Variants in FIG4 observed in about 807,000 individuals in gnomAD.
FIG4 encodes polyphosphoinositide phosphatase.
In FIG4, 112 loss-of-function variants were observed where a neutral mutation model predicts 118.6. The observed-to-expected ratio is 0.94, with a 90% confidence interval of 0.81 to 1.11. The LOEUF is 1.11. Ranked by LOEUF, FIG4 falls within the 50% of genes least tolerant of loss-of-function variation. The probability of loss-of-function intolerance (pLI) is 0.00; values close to 1 mark genes in which losing one functional copy is unlikely to be tolerated. For synonymous variants in FIG4, 369 were observed against 381.2 expected (o/e 0.97, Z 0.37); for missense variants, 969 against 1,111.7 (o/e 0.87, Z 1.83).
chr6:109,744,672 G>A (rs1038810253), intron 10 of FIG4, among the ~76,000 whole-genome samples: 2 of 151,738 alleles, frequency 1.3e-5, no homozygotes, highest in African/African-American at 2.4e-5. Context: ...TTAAGTTCTC[G>A]GATACATGTG....
chr6:109,784,999 TA>T lies in FIG4; in HGVS notation c.1922del (p.Lys641SerfsTer14). 1 of 1,571,070 alleles carries T rather than the reference TA, an allele frequency of 6.4e-7. No individual in the cohort carries two copies. Among genetic ancestry groups the T allele is most frequent in the Non-Finnish European group, 8.8e-7 (1 of 1,140,940 alleles). ...ACTTACTGGTGGACACCAGAGGTGA[TA>T]AAGCATTTACCATTGCCCTATGATG... ...SYTYWWTPEV[I>X]KHLPLPYDEV... On this transcript the variant is annotated frameshift_variant, in exon 17 of 23. Transcript: ENST00000230124. LOFTEE classifies it high-confidence loss of function.
intron 1 of FIG4, among the ~76,000 whole-genome samples, chr6:109,701,219 A>C (rs1774895843): frequency 1.3e-5 from 2 of 152,170 alleles, no homozygotes; most frequent in Non-Finnish European, 2.9e-5. Context: ...CCCTTTCCCA[A>C]ACTAACCTAT....
intron 22 of FIG4, among the ~76,000 whole-genome samples, chr6:109,817,895 A>G (rs1252883060): frequency 2.0e-5 from 3 of 152,256 alleles, no homozygotes; most frequent in Non-Finnish European, 4.4e-5. Context: ...AATCTGCTCT[A>G]GGTAAATTAA....
At chr6:109,817,473 C>G (rs1238859317) in intron 22 of FIG4, among the ~76,000 whole-genome samples, 1 of 151,792 alleles carries the variant, frequency 6.6e-6, no homozygotes, top group Non-Finnish European at 1.5e-5. Context: ...TTACCTATTT[C>G]AGGTCAGAAA....
intron 15 of FIG4, among the ~76,000 whole-genome samples, chr6:109,775,046 A>C (rs1777579733): frequency 6.6e-6 from 1 of 152,216 alleles, no homozygotes; most frequent in Non-Finnish European, 1.5e-5. Context: ...AAAATTGGCT[A>C]ATGTTTAACC....
At chr6:109,720,703 G>A (rs775893127) in intron 3 of FIG4, among the ~76,000 whole-genome samples, 10 of 152,248 alleles carry the variant, frequency 6.6e-5, no homozygotes, top group South Asian at 2.1e-4. Context: ...TAAATCCTTC[G>A]TCTCAATTTG....
chr6:109,751,593 C>T (rs911210279), intron 10 of FIG4, among the ~76,000 whole-genome samples: 15 of 152,080 alleles, frequency 9.9e-5, no homozygotes, highest in African/African-American at 3.6e-4. Context: ...AGTTTCATAA[C>T]TTGTTATTGG....
At chr6:109,796,914 TAAAGAC>T in intron 22 of FIG4, 63 bp downstream of exon 22, 2 of 965,588 alleles carry the variant, frequency 2.1e-6, no homozygotes, top group Non-Finnish European at 1.7e-6. Flanking sequence ...GGGCTTTCTT[TAAAGAC>T]TTTTTAAGAA....
rs776611599 is a variant in FIG4 at position 109,762,250 on chromosome 6, G to T, written c.1388+43G>T. 12 of 1,192,722 alleles carry T rather than the reference G, an allele frequency of 1.0e-5. No homozygotes were observed. In the East Asian group the frequency reaches 2.8e-4, roughly 28 times the overall value. The allele number at this position is 1,192,722 out of a possible 1,614,324, so 73.9% of individuals were successfully genotyped here. A position where few individuals can be genotyped will look rare whatever the true frequency, so the allele number is the denominator to read the frequency against. On this transcript the variant is annotated intron_variant, in intron 12 of 22. Transcript: ENST00000230124. ...AAACTTATAATAAATGATGATTTTT[G>T]CTCTTATGGGTATTCTAAATACAGC...
intron 1 of FIG4, among the ~76,000 whole-genome samples, chr6:109,694,052 T>C (rs116347598): frequency 6.6e-6 from 1 of 152,050 alleles, no homozygotes; most frequent in South Asian, 2.1e-4. Context: ...GCTCAAAATA[T>C]TCTACATATA....
At chr6:109,709,822 C>G (rs1239159874) in intron 1 of FIG4, among the ~76,000 whole-genome samples, 3 of 152,148 alleles carry the variant, frequency 2.0e-5, no homozygotes, top group Non-Finnish European at 4.4e-5. Context: ...TGTTCTTAGA[C>G]TTTACTGAAG....
In FIG4 at chr6:109,732,707, TG is replaced by T. The variant is rs1273985161; in HGVS notation, c.497+21del. The T allele has an allele frequency of 6.7e-7, 1 of 1,484,850 alleles. No individual in the cohort carries two copies. Among genetic ancestry groups the T allele is most frequent in the Admixed American group, 1.7e-5 (1 of 59,726 alleles). 92.0% of individuals were successfully genotyped at this position (1,484,850 alleles called of 1,614,324 possible). A position where few individuals can be genotyped will look rare whatever the true frequency, so the allele number is the denominator to read the frequency against. ...CTTTAGGTAAGTGTGAGGTTAGTTT[TG>T]CTCCTATCAATCACATAAACTTTTA... On this transcript the variant is annotated intron_variant, in intron 5 of 22. Coordinates refer to ENST00000230124, the MANE Select transcript of FIG4 (RefSeq NM_014845.6).
intron 4 of FIG4, among the ~76,000 whole-genome samples, chr6:109,729,410 G>A (rs1775914456): frequency 6.6e-6 from 1 of 152,022 alleles, no homozygotes; most frequent in Non-Finnish European, 1.5e-5. Context: ...TTTAATCAAG[G>A]TAAGGAACAA....
Position 109,825,245 on chromosome 6 carries a change from A to C in FIG4, c.2704A>C (p.Ile902Leu), listed in dbSNP as rs143685038. The C allele has an allele frequency of 7.4e-6, 12 of 1,614,122 alleles. No individual in the cohort carries two copies. The highest frequency in any genetic ancestry group is 1.0e-5 in the Non-Finnish European group (12 of 1,179,984). Residue 902 changes from isoleucine to leucine, a missense_variant, in exon 23 of 23, where the codon ATC (isoleucine) becomes CTC (leucine). Transcript: ENST00000230124. ...KEDSSMYREY[I>L]RNRYL ...GGACTCCTCCATGTACCGAGAGTAC[A>C]TCAGGAACCGCTACCTGTGAAAAGA...
chr6:109,715,438 T>C (rs1242859531), intron 2 of FIG4, among the ~76,000 whole-genome samples: 1 of 152,150 alleles, frequency 6.6e-6, no homozygotes, highest in Non-Finnish European at 1.5e-5. Context: ...TAATGAGTAT[T>C]GTTTCTTAAA....
At chr6:109,815,331 A>C (rs1778830539) in intron 22 of FIG4, among the ~76,000 whole-genome samples, 1 of 149,440 alleles carries the variant, frequency 6.7e-6, no homozygotes. Flanking sequence ...TTCCATATGG[A>C]CTCCCATGCC....
At chr6:109,786,910 CCACA>C (rs935244268) in intron 18 of FIG4, among the ~76,000 whole-genome samples, 4 of 151,988 alleles carry the variant, frequency 2.6e-5, no homozygotes, top group Non-Finnish European at 4.4e-5. Context: ...TCTCTCTCCC[CCACA>C]CACACACGCC....
chr6:109,741,113 C>T (rs1354578584), intron 7 of FIG4, among the ~76,000 whole-genome samples: 4 of 152,118 alleles, frequency 2.6e-5, no homozygotes, highest in Non-Finnish European at 2.9e-5. Context: ...GGACACAGAG[C>T]GAAACCATAT....
intron 15 of FIG4, among the ~76,000 whole-genome samples, chr6:109,772,653 A>T (rs1007959723): frequency 1.3e-5 from 2 of 152,018 alleles, no homozygotes; most frequent in Non-Finnish European, 2.9e-5. Flanking sequence ...GGGTTTCTCC[A>T]TGTTGGTCAG....
Sources: allele counts gnomAD v4.1 joint callset (sites outside exome capture counted in the v4.1 genomes callset), GRCh38; gene constraint gnomAD v4.1.1; transcripts MANE v1.5; gene names NCBI Gene and HGNC (gene_info 2026-07-23, HGNC 2026-07-21).